The following ZNF493 variants were observed in gnomAD, a reference collection of about 807,000 sequenced individuals.
ZNF493 encodes the protein zinc finger protein 493.
In ZNF493, 11 loss-of-function variants were observed where a neutral mutation model predicts 12.2. The ratio of observed to expected loss-of-function variants is 0.90; its 90% CI spans 0.57 to 1.50. The LOEUF is 1.50. Ranked by LOEUF, ZNF493 falls within the 40% of genes most tolerant of loss-of-function variation. ZNF493 has a pLI of 0.00. For missense variants in ZNF493, 950 were observed against 906.6 expected, an observed-to-expected ratio of 1.05 and a Z score of -0.61; for synonymous variants, 286 against 302.6, an observed-to-expected ratio of 0.95 and a Z score of 0.57.
Position 21,424,719 on chromosome 19 carries a change from G to A in ZNF493, c.2060G>A (p.Cys687Tyr), listed in dbSNP as rs1290525949. ...CATACTGAAGAGAAACCCTACAAAT[G>A]TGAAAAATGTGGCAAAACTTTCTAC... ...IIHTEEKPYK[C>Y]EKCGKTFYRF... Residue 687 changes from cysteine (C) to tyrosine (Y), a missense_variant, in exon 4 of 4, where the codon TGT becomes TAT. Coordinates refer to ENST00000392288, the MANE Select transcript of ZNF493 (RefSeq NM_001076678.3). 2.5e-6 allele frequency: 4 copies of A among 1,613,334 alleles called. No individual in the cohort carries two copies. Among genetic ancestry groups the A allele is most frequent in the Non-Finnish European group, 3.4e-6 (4 of 1,179,624 alleles).
intron 3 of ZNF493, among the ~76,000 whole-genome samples, chr19:21,422,394 T>A (rs1389109429): frequency 6.7e-6 from 1 of 149,930 alleles, no homozygotes; most frequent in African/African-American, 2.4e-5. Context: ...TTTTTTTTTT[T>A]AACAAAATCA....
At position 21,405,794 on chromosome 19, in the gene ZNF493, G is replaced by C. The variant is rs751523900; in HGVS notation, c.191G>C (p.Cys64Ser). ...GTCTCTAAGCCAGATCTGGTCACCT[G>C]TCTGGAGCAAGGAAAAGATCCCTGG... The part of the protein sequence containing the change: ...IAVSKPDLVT[C>S]LEQGKDPWNM... The change falls in exon 3 of 4, where the codon TGT becomes TCT. Residue 64 changes from cysteine (C) to serine (S), a missense_variant. Cys to Ser is a moderately radical substitution (Grantham distance 112). Coordinates refer to ENST00000392288, the MANE Select transcript of ZNF493 (RefSeq NM_001076678.3). The C allele has an allele frequency of 6.2e-7, 1 of 1,600,078 alleles. No individual in the cohort carries two copies. Among genetic ancestry groups the C allele is most frequent in the Non-Finnish European group, 8.5e-7 (1 of 1,172,206 alleles).
intron 3 of ZNF493, among the ~76,000 whole-genome samples, chr19:21,416,180 T>C (rs1417535933): frequency 6.6e-6 from 1 of 152,238 alleles, no homozygotes; most frequent in Non-Finnish European, 1.5e-5. Context: ...CCATCAAAAA[T>C]GATATCCTAA....
chr19:21,425,748 A>AT lies in ZNF493; in HGVS notation c.*765dup, dbSNP rs2030839715. ...ATTTTCAAACCTTACTAAACATAAG[A>AT]TAACTCATACTGGAGAAAAATCTTA... On this transcript the variant is annotated 3_prime_UTR_variant, in exon 4 of 4. Transcript: ENST00000392288. 1 of 616,062 alleles carries AT rather than the reference A, an allele frequency of 1.6e-6. No homozygotes were observed. The highest frequency in any genetic ancestry group is 1.4e-5 in the South Asian group (1 of 71,994). The allele number at this position is 616,062 out of a possible 1,614,324, so 38.2% of individuals were successfully genotyped here. A position where few individuals can be genotyped will look rare whatever the true frequency, so the allele number is the denominator to read the frequency against.
At position 21,427,003 on chromosome 19, in the gene ZNF493, C is replaced by T. The variant is rs536058167; in HGVS notation, c.*2019C>T. 6.0e-6 allele frequency: 1 copy of T among 167,036 alleles called. No homozygotes were observed. Among genetic ancestry groups the T allele is most frequent in the Non-Finnish European group, 1.5e-5 (1 of 68,082 alleles). The allele number at this position is 167,036 out of a possible 1,614,324, so 10.3% of individuals were successfully genotyped here. A position where few individuals can be genotyped will look rare whatever the true frequency, so the allele number is the denominator to read the frequency against. ...TTGAAAAGCAAATGATGTAACTCAA[C>T]TCATTATTTTCTGCTGTTTCTTCAT... On this transcript the variant is annotated 3_prime_UTR_variant, in exon 4 of 4. Transcript: ENST00000392288.
At chr19:21,406,593 T>C (rs2030138254) in intron 3 of ZNF493, among the ~76,000 whole-genome samples, 1 of 152,210 alleles carries the variant, frequency 6.6e-6, no homozygotes, top group South Asian at 2.1e-4. Flanking sequence ...AGTTCTTTTT[T>C]TGCATCATTT....
chr19:21,398,541 G>A, intron 1 of ZNF493: 1 of 346,010 alleles, frequency 2.9e-6, no homozygotes, highest in Non-Finnish European at 5.6e-6. Context: ...GATAAACCAA[G>A]ATAACTGCCA....
At chr19:21,416,853 A>T (rs2030510577) in intron 3 of ZNF493, among the ~76,000 whole-genome samples, 1 of 152,108 alleles carries the variant, frequency 6.6e-6, no homozygotes, top group East Asian at 1.9e-4. Context: ...ACCCCTTTTA[A>T]ACTTAAACTA....
intron 3 of ZNF493, among the ~76,000 whole-genome samples, chr19:21,417,760 C>T (rs6511245): frequency 0.55 from 84,163 of 151,920 alleles, 23,569 homozygotes; most frequent in Middle Eastern, 0.67. Flanking sequence ...GTATTGCGAG[C>T]AGCCTGAATG....
chr19:21,420,394 C>G (rs868584366), intron 3 of ZNF493, among the ~76,000 whole-genome samples: 2 of 150,912 alleles, frequency 1.3e-5, no homozygotes, highest in South Asian at 4.2e-4. Flanking sequence ...GCATATCTTT[C>G]CCAGAAAATA....
chr19:21,402,072 A>G (rs757733050), intron 1 of ZNF493, among the ~76,000 whole-genome samples: 27 of 151,994 alleles, frequency 1.8e-4, no homozygotes, highest in Non-Finnish European at 3.5e-4. Context: ...GGTTCATGCC[A>G]TTCTCCTGCC....
chr19:21,409,632 C>G (rs897509628), intron 3 of ZNF493, among the ~76,000 whole-genome samples: 2 of 152,018 alleles, frequency 1.3e-5, no homozygotes, highest in Non-Finnish European at 2.9e-5. Context: ...GTGGTTCCAG[C>G]TACTTGGGAG....
chr19:21,415,649 ATATTT>A (rs1420600366), intron 3 of ZNF493, among the ~76,000 whole-genome samples: 1 of 152,202 alleles, frequency 6.6e-6, no homozygotes, highest in African/African-American at 2.4e-5. Context: ...CACTGTGAAA[ATATTT>A]TATGAGTAGG....
At chr19:21,404,502 G>A (rs1430234352) in intron 1 of ZNF493, among the ~76,000 whole-genome samples, 1 of 152,054 alleles carries the variant, frequency 6.6e-6, no homozygotes, top group African/African-American at 2.4e-5. Context: ...CATTTAATCT[G>A]GCAGCTGCCT....
Position 21,397,167 on chromosome 19 carries a change from C to A in ZNF493, c.-71C>A. 5.1e-6 allele frequency: 8 copies of A among 1,581,246 alleles called. No individual in the cohort carries two copies. Among genetic ancestry groups the A allele is most frequent in the Admixed American group, 3.3e-5 (2 of 59,916 alleles). On this transcript the variant is annotated 5_prime_UTR_variant, in exon 1 of 4. Coordinates refer to ENST00000392288, the MANE Select transcript of ZNF493 (RefSeq NM_001076678.3). Reference sequence around the variant, plus strand: ...CTCTGCTGCCGGAGCTCCAGGTCTACCCTTCACTGCTCTGTGTCCTCAGCG... The same window carrying A: ...CTCTGCTGCCGGAGCTCCAGGTCTAACCTTCACTGCTCTGTGTCCTCAGCG...
intron 3 of ZNF493, chr19:21,407,814 C>A (rs2030183226): frequency 5.1e-6 from 5 of 985,166 alleles, no homozygotes; most frequent in African/African-American, 1.7e-5. Flanking sequence ...AAAAAGAATT[C>A]TTTTTTCATT....
chr19:21,410,188 A>C (rs959350475), intron 3 of ZNF493, among the ~76,000 whole-genome samples: 3 of 151,514 alleles, frequency 2.0e-5, no homozygotes, highest in Non-Finnish European at 4.4e-5. Context: ...GGATGTTCTA[A>C]TAGGTCTTCC....
At position 21,423,064 on chromosome 19, in the gene ZNF493, C is replaced by T; in HGVS notation, c.405C>T (p.His135=). 1 of 1,613,602 alleles carries T rather than the reference C, an allele frequency of 6.2e-7. No homozygotes were observed. The highest frequency in any genetic ancestry group is 8.5e-7 in the Non-Finnish European group (1 of 1,179,812). The part of the protein sequence containing the change: ...GCKSMNECNV[H]KEGYNELNQY... The stretch of plus-strand genomic sequence containing the variant: ...AAAGTATGAATGAGTGTAATGTGCA[C>T]AAAGAAGGTTATAATGAACTAAACC... The change falls in exon 4 of 4, where the codon CAC becomes CAT. Residue 135 remains histidine (H), a synonymous_variant. Coordinates refer to ENST00000392288, the MANE Select transcript of ZNF493 (RefSeq NM_001076678.3).
At chr19:21,416,680 C>A (rs887115346) in intron 3 of ZNF493, among the ~76,000 whole-genome samples, 1 of 152,180 alleles carries the variant, frequency 6.6e-6, no homozygotes, top group Non-Finnish European at 1.5e-5. Context: ...GCTTCCAAAT[C>A]CTCCTGTTCG....
Sources: gnomAD v4.1 joint callset for allele counts (sites outside exome capture counted in the v4.1 genomes callset) on GRCh38, gnomAD v4.1.1 for gene constraint, MANE v1.5 for transcripts, NCBI Gene and HGNC (gene_info 2026-07-23, HGNC 2026-07-21) for gene names.